Variants in MROH9 observed in about 807,000 individuals in gnomAD.
MROH9 encodes the protein maestro heat like repeat family member 9, also known as maestro heat-like repeat-containing protein family member 9.
Under a neutral mutation model 98.2 loss-of-function variants are expected in MROH9, and 92 were observed. That is an observed-to-expected ratio of 0.94 (90% CI 0.79 to 1.11). The LOEUF (loss-of-function observed/expected upper bound fraction) is 1.11. Ranked by LOEUF, MROH9 falls within the 50% of genes most tolerant of loss-of-function variation. The probability of loss-of-function intolerance (pLI) is 0.00; values close to 1 mark genes in which losing one functional copy is unlikely to be tolerated. For missense variants in MROH9, 1,057 were observed against 1,014.8 expected, an observed-to-expected ratio of 1.04 and a Z score of -0.57; for synonymous variants, 397 against 368.9, an observed-to-expected ratio of 1.08 and a Z score of -0.87.
chr1:170,951,744 C>T (rs902365672), intron 3 of MROH9, among the ~76,000 whole-genome samples: 1 of 152,084 alleles, frequency 6.6e-6, no homozygotes, highest in Admixed American at 6.6e-5. Context: ...ATATTAATAG[C>T]ACAGTCCCAG....
At chr1:170,970,011 G>A (rs1650379349) in intron 7 of MROH9, among the ~76,000 whole-genome samples, 1 of 152,000 alleles carries the variant, frequency 6.6e-6, no homozygotes, top group South Asian at 2.1e-4. Context: ...TCCTAAACAT[G>A]CCTTTTTAGT....
chr1:171,014,277 T>C, intron 16 of MROH9, 23 bp downstream of exon 16: 1 of 1,537,702 alleles, frequency 6.5e-7, no homozygotes. Flanking sequence ...GATTTGTGTC[T>C]GCAAGCATCA....
intron 20 of MROH9, among the ~76,000 whole-genome samples, chr1:171,049,484 C>T (rs1466584735): frequency 6.6e-6 from 1 of 151,994 alleles, no homozygotes; most frequent in Admixed American, 6.6e-5. Flanking sequence ...CCAATGCCAA[C>T]CCACAGAGGG....
At chr1:171,037,323 A>T (rs1653135795) in intron 20 of MROH9, among the ~76,000 whole-genome samples, 1 of 151,684 alleles carries the variant, frequency 6.6e-6, no homozygotes, top group Admixed American at 6.6e-5. Flanking sequence ...AGAAAGTAAG[A>T]AGGGAGATGG....
chr1:171,017,180 G>A (rs748538761), intron 17 of MROH9, among the ~76,000 whole-genome samples: 5 of 152,184 alleles, frequency 3.3e-5, no homozygotes, highest in African/African-American at 4.8e-5. Context: ...AGCAGCATCC[G>A]GAAGCTGCCA....
chr1:171,060,516 T>G (rs1571177321), intron 20 of MROH9, among the ~76,000 whole-genome samples: 1 of 152,302 alleles, frequency 6.6e-6, no homozygotes, highest in Admixed American at 6.5e-5. Context: ...GTTGAAGGAC[T>G]TATACCATGG....
chr1:170,963,009 TCTGC>T (rs1650076506), intron 6 of MROH9, among the ~76,000 whole-genome samples: 2 of 152,084 alleles, frequency 1.3e-5, no homozygotes, highest in African/African-American at 2.4e-5. Flanking sequence ...CTGAAGAGCT[TCTGC>T]CCAGCGAAAG....
intron 8 of MROH9, among the ~76,000 whole-genome samples, chr1:170,980,093 C>CA (rs913177460): frequency 5.9e-5 from 9 of 151,638 alleles, no homozygotes; most frequent in Non-Finnish European, 1.3e-4. Context: ...AGAGAGGACA[C>CA]AAAAAAATAG....
intron 9 of MROH9, among the ~76,000 whole-genome samples, chr1:170,985,369 C>T (rs757318791): frequency 3.3e-5 from 5 of 152,176 alleles, no homozygotes; most frequent in Admixed American, 1.3e-4. Context: ...AACAACACGG[C>T]GTAGCAGTAA....
At chr1:171,018,813 A>C (rs1472794017) in intron 17 of MROH9, among the ~76,000 whole-genome samples, 1 of 152,248 alleles carries the variant, frequency 6.6e-6, no homozygotes, top group Non-Finnish European at 1.5e-5. Context: ...CAGAGTTTGA[A>C]GACTATCTTG....
chr1:170,957,554 A>G (rs1439521920), intron 3 of MROH9, among the ~76,000 whole-genome samples: 1 of 152,164 alleles, frequency 6.6e-6, no homozygotes, highest in Non-Finnish European at 1.5e-5. Flanking sequence ...AGCAGTCCCT[A>G]CAATTTTAAT....
intron 10 of MROH9, among the ~76,000 whole-genome samples, chr1:170,989,184 TAAG>T (rs1651259417): frequency 6.6e-6 from 1 of 152,118 alleles, no homozygotes; most frequent in Non-Finnish European, 1.5e-5. Context: ...AAGAAAAATT[TAAG>T]AAGAAAAAAA....
At chr1:171,007,419 A>C (rs2101825662) in intron 15 of MROH9, among the ~76,000 whole-genome samples, 1 of 152,306 alleles carries the variant, frequency 6.6e-6, no homozygotes, top group Admixed American at 6.5e-5. Context: ...CTACTGTGTA[A>C]GTAGGTGGGT....
intron 1 of MROH9, among the ~76,000 whole-genome samples, chr1:170,936,969 A>G (rs964486022): frequency 3.9e-5 from 6 of 152,222 alleles, no homozygotes; most frequent in South Asian, 2.1e-4. Context: ...TTTCAAGGAA[A>G]AACATGTTTT....
chr1:171,027,358 T>C (rs951115036), intron 20 of MROH9, among the ~76,000 whole-genome samples: 1 of 152,214 alleles, frequency 6.6e-6, no homozygotes, highest in Non-Finnish European at 1.5e-5. Flanking sequence ...TCCAGCTTCA[T>C]CCATGTCCCT....
chr1:170,942,645 G>T (rs1649170207), intron 1 of MROH9, among the ~76,000 whole-genome samples: 1 of 152,072 alleles, frequency 6.6e-6, no homozygotes, highest in Non-Finnish European at 1.5e-5. Context: ...GACATGCCTG[G>T]AATAGGACTT....
intron 4 of MROH9, among the ~76,000 whole-genome samples, chr1:170,958,891 A>G (rs1333755537): frequency 1.3e-5 from 2 of 152,328 alleles, no homozygotes; most frequent in East Asian, 1.9e-4. Flanking sequence ...CTTGGCTGGG[A>G]ATGTAACCAC....
chr1:170,937,515 ATT>A (rs71125282), intron 1 of MROH9, among the ~76,000 whole-genome samples: 1,537 of 113,402 alleles, frequency 0.014, 5 homozygotes, highest in African/African-American at 0.043. Flanking sequence ...CATAATCAGT[ATT>A]TTTTTTTTTT....
At chr1:170,973,154 C>G (rs539319421) in intron 8 of MROH9, among the ~76,000 whole-genome samples, 1 of 152,046 alleles carries the variant, frequency 6.6e-6, no homozygotes, top group Non-Finnish European at 1.5e-5. Flanking sequence ...CCCACAAACT[C>G]GAGATCTGCA....
Sources: gnomAD v4.1 joint callset for allele counts (sites outside exome capture counted in the v4.1 genomes callset) on GRCh38, gnomAD v4.1.1 for gene constraint, MANE v1.5 for transcripts, NCBI Gene and HGNC (gene_info 2026-07-23, HGNC 2026-07-21) for gene names.